The following ZMYND11 variants were observed in gnomAD, a reference collection of about 807,000 sequenced individuals.
The protein encoded by ZMYND11 is zinc finger MYND domain-containing protein 11.
Under a neutral mutation model 84.9 loss-of-function variants are expected in ZMYND11, and 9 were observed. The ratio of observed to expected loss-of-function variants is 0.11; its 90% CI spans 0.06 to 0.18. The LOEUF is 0.18. Ranked by LOEUF, ZMYND11 falls within the 10% of genes least tolerant of loss-of-function variation. The pLI, the probability that ZMYND11 is intolerant of heterozygous loss-of-function variation, is 1.00. For missense variants in ZMYND11, 409 were observed against 761.0 expected, an observed-to-expected ratio of 0.54 and a Z score of 5.44; for synonymous variants, 250 against 244.1, an observed-to-expected ratio of 1.02 and a Z score of -0.23.
intron 2 of ZMYND11, among the ~76,000 whole-genome samples, chr10:205,733 T>A (rs1944009724): frequency 2.6e-5 from 4 of 151,970 alleles, no homozygotes; most frequent in South Asian, 4.2e-4. Flanking sequence ...ATTCTACACA[T>A]TTTCTTTTTT....
At chr10:195,215 A>G (rs761374293) in intron 2 of ZMYND11, among the ~76,000 whole-genome samples, 63 of 152,228 alleles carry the variant, frequency 4.1e-4, no homozygotes, top group Non-Finnish European at 7.5e-4. Context: ...GGAGATTCAA[A>G]TAAAGACTTT....
chr10:245,018 C>T (rs1474770073), intron 10 of ZMYND11, among the ~76,000 whole-genome samples: 1 of 152,116 alleles, frequency 6.6e-6, no homozygotes, highest in African/African-American at 2.4e-5. Context: ...TATTGAATTC[C>T]TACTACATAA....
chr10:224,672 C>T (rs1424368009), intron 4 of ZMYND11, among the ~76,000 whole-genome samples: 1 of 152,170 alleles, frequency 6.6e-6, no homozygotes, highest in Non-Finnish European at 1.5e-5. Context: ...TCTGTATCCA[C>T]ATGACTTTAC....
intron 2 of ZMYND11, among the ~76,000 whole-genome samples, chr10:190,163 G>A (rs1325554587): frequency 6.6e-6 from 1 of 152,178 alleles, no homozygotes; most frequent in African/African-American, 2.4e-5. Context: ...ACTCGAGTCT[G>A]TCTGCTCTTC....
chr10:238,862 C>G (rs755300618), intron 6 of ZMYND11, among the ~76,000 whole-genome samples: 3 of 152,200 alleles, frequency 2.0e-5, no homozygotes, highest in Non-Finnish European at 4.4e-5. Context: ...CCCTTCTTCC[C>G]CACTGCCTTT....
rs80266705 is a variant in ZMYND11, at chr10:170,350, T to C, written c.-19-9644T>C. 2.7e-3 allele frequency among the ~76,000 whole-genome samples: 410 copies of C among 152,136 alleles called. 11 individuals are homozygous for C. In the East Asian group the frequency reaches 0.067, roughly 25 times the overall value. ...GGCCATTCAAGAAGGAATAAGGAAA[T>C]GTAAAATAAAAATTTTTTCTTCCTA... On this transcript the variant is annotated intron_variant, in intron 1 of 14. Coordinates refer to ENST00000381604, the MANE Select transcript of ZMYND11 (RefSeq NM_001370100.5).
At chr10:219,242 A>G (rs954920041) in intron 3 of ZMYND11, among the ~76,000 whole-genome samples, 2 of 152,204 alleles carry the variant, frequency 1.3e-5, no homozygotes, top group African/African-American at 4.8e-5. Flanking sequence ...GAGAGGCCAG[A>G]GGTATGCACA....
At chr10:186,576 G>T (rs1056919307) in intron 2 of ZMYND11, among the ~76,000 whole-genome samples, 2 of 144,498 alleles carry the variant, frequency 1.4e-5, no homozygotes, top group South Asian at 4.5e-4. Flanking sequence ...GGGAGACGGA[G>T]GTTGTGGTGA....
intron 5 of ZMYND11, 94 bp from the exon 6 acceptor site, chr10:237,491 A>G: frequency 4.0e-6 from 3 of 753,254 alleles, no homozygotes; most frequent in Non-Finnish European, 6.2e-6. Context: ...AAAATAAAAA[A>G]TAAAAAGGTA....
At position 141,282 on chromosome 10, in the gene ZMYND11, G is replaced by A. The variant is rs1837435790; in HGVS notation, c.-20+5723G>A. On this transcript the variant is annotated intron_variant, in intron 1 of 14. Transcript: ENST00000381604. ...ATTTATTAATACATTGTTATTTATC[G>A]AAACTCTGGTATGTGCCATATCTTA... is the stretch of plus-strand genomic sequence containing the variant. 4.6e-5 allele frequency among the ~76,000 whole-genome samples: 7 copies of A among 152,140 alleles called. No individual in the cohort carries two copies. The South Asian group carries it at 1.2e-3, about 27-fold the overall frequency.
chr10:188,407 A>G (rs1156385724), intron 2 of ZMYND11, among the ~76,000 whole-genome samples: 2 of 151,154 alleles, frequency 1.3e-5, no homozygotes, highest in Non-Finnish European at 2.9e-5. Flanking sequence ...GGGCAACATA[A>G]TGAGACCCCA....
chr10:238,816 G>C (rs1950416383), intron 6 of ZMYND11, among the ~76,000 whole-genome samples: 1 of 152,074 alleles, frequency 6.6e-6, no homozygotes, highest in African/African-American at 2.4e-5. Flanking sequence ...CTTCTAAACT[G>C]TAAGACCTCT....
At chr10:240,437 G>T (rs1363435915) in intron 8 of ZMYND11, among the ~76,000 whole-genome samples, 5 of 152,198 alleles carry the variant, frequency 3.3e-5, no homozygotes, top group African/African-American at 9.7e-5. Context: ...GTGGAAGGTG[G>T]AGGTTGCAGT....
chr10:169,365 C>T lies in ZMYND11; in HGVS notation c.-19-10629C>T, dbSNP rs186072885. ...GTCCTATTTAGCAAGATTCCTTTTA[C>T]CCAGTACATAACGTTGACCTTTCAG... On this transcript the variant is annotated intron_variant, in intron 1 of 14. Coordinates refer to ENST00000381604, the MANE Select transcript of ZMYND11 (RefSeq NM_001370100.5). 1.3e-4 allele frequency among the ~76,000 whole-genome samples: 20 copies of T among 152,188 alleles called. No individual in the cohort carries two copies. In the East Asian group the frequency reaches 3.3e-3, roughly 25 times the overall value.
chr10:201,337 A>G (rs1472845066), intron 2 of ZMYND11, among the ~76,000 whole-genome samples: 2 of 152,188 alleles, frequency 1.3e-5, no homozygotes, highest in Non-Finnish European at 2.9e-5. Flanking sequence ...TATGTTTTTC[A>G]TTGATAGAAA....
intron 2 of ZMYND11, among the ~76,000 whole-genome samples, chr10:203,909 G>T (rs1238962296): frequency 6.6e-6 from 1 of 152,084 alleles, no homozygotes; most frequent in Non-Finnish European, 1.5e-5. Context: ...GTAATATAGA[G>T]CTTATGTCAT....
At chr10:161,652 C>A (rs1041410961) in intron 1 of ZMYND11, among the ~76,000 whole-genome samples, 2 of 152,156 alleles carry the variant, frequency 1.3e-5, no homozygotes, top group Non-Finnish European at 2.9e-5. Flanking sequence ...CTGTTTCCTC[C>A]TGTACTTTTA....
At chr10:222,824 A>G (rs1947360763) in intron 4 of ZMYND11, among the ~76,000 whole-genome samples, 1 of 152,156 alleles carries the variant, frequency 6.6e-6, no homozygotes. Context: ...TTTGTATTTA[A>G]TATTTAATTC....
At chr10:161,712 A>C (rs1203529132) in intron 1 of ZMYND11, among the ~76,000 whole-genome samples, 1 of 152,148 alleles carries the variant, frequency 6.6e-6, no homozygotes, top group Non-Finnish European at 1.5e-5. Flanking sequence ...TACCTCTGCA[A>C]TCTTCAGACT....
Sources: gnomAD v4.1 joint callset for allele counts (sites outside exome capture counted in the v4.1 genomes callset) on GRCh38, gnomAD v4.1.1 for gene constraint, MANE v1.5 for transcripts, NCBI Gene and HGNC (gene_info 2026-07-23, HGNC 2026-07-21) for gene names.